The following TAS1R3 variants were observed in gnomAD, a reference collection of about 807,000 sequenced individuals.
TAS1R3 encodes the protein taste receptor type 1 member 3.
A neutral mutation model predicts 46.1 loss-of-function variants in TAS1R3; 58 were observed. The observed-to-expected ratio is 1.26, with a 90% CI of 1.02 to 1.57. TAS1R3 has a LOEUF of 1.57. Ranked by LOEUF, TAS1R3 falls within the 40% of genes most tolerant of loss-of-function variation. The pLI, the probability that TAS1R3 is intolerant of heterozygous loss-of-function variation, is 0.00. For synonymous variants in TAS1R3, 724 were observed against 544.7 expected (o/e 1.33, Z -4.58); for missense variants, 1,422 against 1,185.8 (o/e 1.20, Z -2.93).
rs780663472 is a variant in TAS1R3, at chr1:1,333,246, G to A, written c.1480-13G>A. 2 of 1,598,604 alleles carry A rather than the reference G, an allele frequency of 1.3e-6. No homozygotes were observed. The highest frequency in any genetic ancestry group is 2.2e-5 in the South Asian group (2 of 89,570). Reference sequence around the variant, plus strand: ...CCCAGCCGAGCAGAGCCAGACCCCAGGCCTGTGCGCAGAAGCCCGTGTCCC... The same window carrying A: ...CCCAGCCGAGCAGAGCCAGACCCCAAGCCTGTGCGCAGAAGCCCGTGTCCC... On this transcript the variant is annotated splice_polypyrimidine_tract_variant and intron_variant, in intron 4 of 5. Coordinates refer to ENST00000339381, the MANE Select transcript of TAS1R3 (RefSeq NM_152228.3).
chr1:1,334,159 C>A lies in TAS1R3; in HGVS notation c.2254C>A (p.Arg752=). ...CTGCTTCCTGGGCACTTTCCTGGTGCGGAGCCAGCCGGGCTGCTACAACCG... is the reference window on the plus strand; with the variant it reads ...CTGCTTCCTGGGCACTTTCCTGGTGAGGAGCCAGCCGGGCTGCTACAACCG... ...FLCFLGTFLV[R]SQPGCYNRAR... The change falls in exon 6 of 6, where the codon CGG becomes AGG. Residue 752 remains arginine, a synonymous_variant. Transcript: ENST00000339381. The A allele has an allele frequency of 1.3e-6, 2 of 1,585,066 alleles. No homozygotes were observed.
At position 1,333,494 on chromosome 1, in the gene TAS1R3, CCTCT is replaced by C. The variant is rs750644231; in HGVS notation, c.1601-8_1601-5del. 1.9e-6 allele frequency: 3 copies of C among 1,600,254 alleles called. No homozygotes were observed. The South Asian group carries it at 3.3e-5, about 18-fold the overall frequency. Reference sequence around the variant, plus strand: ...CAAGACGAACACCCAGCGCCCTTCTCCTCTCTCACAGACGACATCGCCTGCACCT... The same window carrying C: ...CAAGACGAACACCCAGCGCCCTTCTCCTCACAGACGACATCGCCTGCACCT... On this transcript the variant is annotated splice_polypyrimidine_tract_variant and splice_region_variant and intron_variant, in intron 5 of 5. Transcript: ENST00000339381.
In TAS1R3 at chr1:1,331,343, GC is replaced by G; in HGVS notation, c.-1del. 1.3e-6 allele frequency: 2 copies of G among 1,567,890 alleles called. No homozygotes were observed. The highest frequency in any genetic ancestry group is 1.7e-6 in the Non-Finnish European group (2 of 1,158,436). On this transcript the variant is annotated 5_prime_UTR_variant, in exon 1 of 6. Coordinates refer to ENST00000339381, the MANE Select transcript of TAS1R3 (RefSeq NM_152228.3). ...GCCGTGCCTGTTGGAAGTTGCCTCT[GC>G]CATGCTGGGCCCTGCTGTCCTGGGC...
chr1:1,334,836 C>A lies in TAS1R3; in HGVS notation c.*372C>A. The A allele has an allele frequency of 4.8e-6, 1 of 206,748 alleles. No individual in the cohort carries two copies. The highest frequency in any genetic ancestry group is 9.8e-6 in the Non-Finnish European group (1 of 102,546). 12.8% of individuals were successfully genotyped at this position (206,748 alleles called of 1,614,324 possible). A position where few individuals can be genotyped will look rare whatever the true frequency, so the allele number is the denominator to read the frequency against. ...GCTGGAAGCCCAAATCAGGCCCTGC[C>A]GACCTGACCATGTCCCACCAGGGCC... On this transcript the variant is annotated 3_prime_UTR_variant, in exon 6 of 6. Transcript: ENST00000339381.
rs1643420308 is a variant in TAS1R3, at chr1:1,331,308, G to A, written c.-38G>A. On this transcript the variant is annotated 5_prime_UTR_variant, in exon 1 of 6. Coordinates refer to ENST00000339381, the MANE Select transcript of TAS1R3 (RefSeq NM_152228.3). ...CACTCCATGTGAGGCCCCAGTCGGG[G>A]CAGCCACCTGCCGTGCCTGTTGGAA... The A allele has an allele frequency of 3.3e-6, 5 of 1,529,314 alleles. No individual in the cohort carries two copies. The highest frequency in any genetic ancestry group is 1.8e-4 in the Middle Eastern group (1 of 5,696). 94.7% of individuals were successfully genotyped at this position (1,529,314 alleles called of 1,614,324 possible). A position where few individuals can be genotyped will look rare whatever the true frequency, so the allele number is the denominator to read the frequency against.
Position 1,334,461 on chromosome 1 carries a change from G to A in TAS1R3, c.2556G>A (p.Glu852=). The change falls in exon 6 of 6, where the codon GAG becomes GAA. Residue 852 remains glutamate (E), a synonymous_variant. Coordinates refer to ENST00000339381, the MANE Select transcript of TAS1R3 (RefSeq NM_152228.3). ...DGNTGNQGKH[E] is the part of the protein sequence containing the mutation. ...ACACAGGAAATCAGGGGAAACATGAGTGACCCAACCCTGTGATCTCAGCCC... is the reference window on the plus strand; with the variant it reads ...ACACAGGAAATCAGGGGAAACATGAATGACCCAACCCTGTGATCTCAGCCC... The A allele has an allele frequency of 1.9e-6, 3 of 1,557,354 alleles. No individual in the cohort carries two copies. Among genetic ancestry groups the A allele is most frequent in the East Asian group, 2.3e-5 (1 of 43,696 alleles).
Position 1,333,327 on chromosome 1 carries a change from C to T in TAS1R3, c.1548C>T (p.Ser516=). 8.1e-6 allele frequency: 13 copies of T among 1,606,630 alleles called. No homozygotes were observed. Among genetic ancestry groups the T allele is most frequent in the Non-Finnish European group, 1.1e-5 (13 of 1,177,294 alleles). The change falls in exon 5 of 6, where the codon TCC becomes TCT. Residue 516 remains serine (S), a synonymous_variant. Transcript: ENST00000339381. ...TGCGCCGGGTCAAGGGGTTCCACTC[C>T]TGCTGCTACGACTGTGTGGACTGCG... ...GQVRRVKGFH[S]CCYDCVDCEA... is the part of the protein sequence containing the mutation.
rs1442761922 is a variant in TAS1R3 at position 1,332,152 on chromosome 1, C to G, written c.621C>G (p.Asn207Lys). The G allele has an allele frequency of 4.4e-6, 7 of 1,598,494 alleles. No homozygotes were observed. The highest frequency in any genetic ancestry group is 5.1e-6 in the Non-Finnish European group (6 of 1,179,326). Residue 207 changes from asparagine to lysine, a missense_variant, in exon 3 of 6, where the codon AAC (asparagine) becomes AAG (lysine). Asn to Lys is a moderately conservative substitution (Grantham distance 94, BLOSUM62 0). Transcript: ENST00000339381. ...AGCTGCTGCAGGAGTTCGGCTGGAA[C>G]TGGGTGGCCGCCCTGGGCAGCGACG... ...AAELLQEFGW[N>K]WVAALGSDDE...
In TAS1R3 at chr1:1,331,667, T is replaced by C. The variant is rs1189183115; in HGVS notation, c.221T>C (p.Leu74Pro). The C allele has an allele frequency of 3.7e-6, 6 of 1,612,510 alleles. No homozygotes were observed. The highest frequency in any genetic ancestry group is 5.1e-6 in the Non-Finnish European group (6 of 1,179,798). The stretch of plus-strand genomic sequence containing the variant: ...TCCTCAAACGGCCTGCTCTGGGCAC[T>C]GGCCATGAAAATGGCCGTGGAGGAG... ...RFSSNGLLWA[L>P]AMKMAVEEIN... The change falls in exon 2 of 6, where the codon CTG (leucine) becomes CCG (proline). Residue 74 changes from leucine (L) to proline (P), a missense_variant. By Grantham distance (98) the Leu-to-Pro change is moderately conservative. Coordinates refer to ENST00000339381, the MANE Select transcript of TAS1R3 (RefSeq NM_152228.3).
Position 1,334,329 on chromosome 1 carries a change from C to T in TAS1R3, c.2424C>T (p.Ala808=). The T allele has an allele frequency of 6.2e-7, 1 of 1,611,910 alleles. No homozygotes were observed. Among genetic ancestry groups the T allele is most frequent in the Non-Finnish European group, 8.5e-7 (1 of 1,179,384 alleles). ...LLLCVLGILA[A]FHLPRCYLLM... is the part of the protein sequence containing the mutation. ...TCTGTGTCCTGGGCATCCTGGCTGCCTTCCACCTGCCCAGGTGTTACCTGC... is the reference window on the plus strand; with the variant it reads ...TCTGTGTCCTGGGCATCCTGGCTGCTTTCCACCTGCCCAGGTGTTACCTGC... The change falls in exon 6 of 6, where the codon GCC becomes GCT. Residue 808 remains alanine, a synonymous_variant. Transcript: ENST00000339381.
At position 1,331,644 on chromosome 1, in the gene TAS1R3, C is replaced by T. The variant is rs967890521; in HGVS notation, c.198C>T (p.Ser66=). 5.6e-6 allele frequency: 9 copies of T among 1,609,676 alleles called. No individual in the cohort carries two copies. The highest frequency in any genetic ancestry group is 2.2e-5 in the East Asian group (1 of 44,792). Residue 66 remains serine, a synonymous_variant, in exon 2 of 6, where the codon TCC becomes TCT. Transcript: ENST00000339381. ...CGGTTCTGTGTGGCCCCAGGTTCTC[C>T]TCAAACGGCCTGCTCTGGGCACTGG... The part of the protein sequence containing the change: ...RPSSPVCTRF[S]SNGLLWALAM...
chr1:1,334,449 G>T lies in TAS1R3; in HGVS notation c.2544G>T (p.Gln848His). Residue 848 changes from glutamine (Q) to histidine (H), a missense_variant, in exon 6 of 6, where the codon CAG (glutamine) becomes CAT (histidine). Physicochemically the swap from Gln to His is conservative, Grantham distance 24 (BLOSUM62 0). Transcript: ENST00000339381. The stretch of plus-strand genomic sequence containing the variant: ...AGAATGACGGGAACACAGGAAATCA[G>T]GGGAAACATGAGTGACCCAACCCTG... ...QGQNDGNTGN[Q>H]GKHE is the part of the protein sequence containing the mutation. 3 of 1,573,088 alleles carry T rather than the reference G, an allele frequency of 1.9e-6. No individual in the cohort carries two copies. Among genetic ancestry groups the T allele is most frequent in the Non-Finnish European group, 2.6e-6 (3 of 1,156,886 alleles).
Position 1,334,395 on chromosome 1 carries a change from G to A in TAS1R3, c.2490G>A (p.Leu830=). 1 of 1,607,204 alleles carries A rather than the reference G, an allele frequency of 6.2e-7. No individual in the cohort carries two copies. The highest frequency in any genetic ancestry group is 8.5e-7 in the Non-Finnish European group (1 of 1,176,998). Residue 830 remains leucine, a synonymous_variant, in exon 6 of 6, where the codon CTG becomes CTA. Transcript: ENST00000339381. The part of the protein sequence containing the change: ...QPGLNTPEFF[L]GGGPGDAQGQ... ...GGCTCAACACCCCCGAGTTCTTCCT[G>A]GGAGGGGGCCCTGGGGATGCCCAAG... is the stretch of plus-strand genomic sequence containing the variant.
chr1:1,334,395 G>C lies in TAS1R3; in HGVS notation c.2490G>C (p.Leu830=). The C allele has an allele frequency of 6.2e-7, 1 of 1,607,204 alleles. No individual in the cohort carries two copies. The highest frequency in any genetic ancestry group is 1.1e-5 in the South Asian group (1 of 90,412). ...GGCTCAACACCCCCGAGTTCTTCCTGGGAGGGGGCCCTGGGGATGCCCAAG... is the reference window on the plus strand; with the variant it reads ...GGCTCAACACCCCCGAGTTCTTCCTCGGAGGGGGCCCTGGGGATGCCCAAG... The part of the protein sequence containing the change: ...QPGLNTPEFF[L]GGGPGDAQGQ... Residue 830 remains leucine (L), a synonymous_variant, in exon 6 of 6, where the codon CTG becomes CTC. Coordinates refer to ENST00000339381, the MANE Select transcript of TAS1R3 (RefSeq NM_152228.3).
chr1:1,333,688 G>A lies in TAS1R3; in HGVS notation c.1783G>A (p.Asp595Asn). Reference sequence around the variant, plus strand: ...TTTGGGGCTGTTCGTTCACCATCGGGACAGCCCACTGGTTCAGGCCTCGGG... The same window carrying A: ...TTTGGGGCTGTTCGTTCACCATCGGAACAGCCCACTGGTTCAGGCCTCGGG... ...AALGLFVHHR[D>N]SPLVQASGGP... The change falls in exon 6 of 6, where the codon GAC becomes AAC. Residue 595 changes from aspartate to asparagine, a missense_variant. Asp to Asn is a conservative substitution (Grantham distance 23, BLOSUM62 1). Transcript: ENST00000339381. The A allele has an allele frequency of 6.2e-7, 1 of 1,611,708 alleles. No individual in the cohort carries two copies. The highest frequency in any genetic ancestry group is 8.5e-7 in the Non-Finnish European group (1 of 1,179,800).
rs370200399 is a variant in TAS1R3 at position 1,332,700 on chromosome 1, C to T, written c.1169C>T (p.Thr390Met). 3.7e-6 allele frequency: 6 copies of T among 1,604,232 alleles called. No homozygotes were observed. Among genetic ancestry groups the T allele is most frequent in the East Asian group, 4.5e-5 (2 of 44,874 alleles). ...NVSAGLNHHQ[T>M]FSVYAAVYSV... Reference sequence around the variant, plus strand: ...AGCGCAGGGCTAAATCACCACCAGACGTTCTCTGTCTACGCAGCTGTGTAT... The same window carrying T: ...AGCGCAGGGCTAAATCACCACCAGATGTTCTCTGTCTACGCAGCTGTGTAT... Residue 390 changes from threonine (T) to methionine (M), a missense_variant, in exon 3 of 6, where the codon ACG becomes ATG. Thr to Met is a moderately conservative substitution (Grantham distance 81). Transcript: ENST00000339381.
Position 1,331,860 on chromosome 1 carries a change from G to A in TAS1R3, c.414G>A (p.Val138=). Reference sequence around the variant, plus strand: ...ACTACACGCAGTACCAGCCCCGTGTGCTGGCTGTCATCGGGCCCCACTCGT... The same window carrying A: ...ACTACACGCAGTACCAGCCCCGTGTACTGGCTGTCATCGGGCCCCACTCGT... ...YCNYTQYQPR[V]LAVIGPHSSE... The change falls in exon 2 of 6, where the codon GTG becomes GTA. Residue 138 remains valine (V), a synonymous_variant. Coordinates refer to ENST00000339381, the MANE Select transcript of TAS1R3 (RefSeq NM_152228.3). The A allele has an allele frequency of 6.2e-7, 1 of 1,612,900 alleles. No homozygotes were observed. Among genetic ancestry groups the A allele is most frequent in the Non-Finnish European group, 8.5e-7 (1 of 1,180,014 alleles).
rs367684701 is a variant in TAS1R3 at position 1,332,090 on chromosome 1, G to T, written c.559G>T (p.Val187Leu). ...RETFPSFFRT[V>L]PSDRVQLTAA... ...GACCTTCCCCTCCTTCTTCCGCACCGTGCCCAGCGACCGTGTGCAGCTGAC... is the reference window on the plus strand; with the variant it reads ...GACCTTCCCCTCCTTCTTCCGCACCTTGCCCAGCGACCGTGTGCAGCTGAC... The change falls in exon 3 of 6, where the codon GTG becomes TTG. Residue 187 changes from valine (V) to leucine (L), a missense_variant. Transcript: ENST00000339381. 1.9e-6 allele frequency: 3 copies of T among 1,601,454 alleles called. No individual in the cohort carries two copies. The highest frequency in any genetic ancestry group is 2.5e-6 in the Non-Finnish European group (3 of 1,179,856).
intron 5 of TAS1R3, 46 bp from the exon 6 acceptor site, chr1:1,333,460 C>T: frequency 6.2e-7 from 1 of 1,603,616 alleles, no homozygotes. Context: ...GACCAGAGCC[C>T]ACAGGGTACA....
Sources: gnomAD v4.1 joint callset for allele counts on GRCh38, gnomAD v4.1.1 for gene constraint, MANE v1.5 for transcripts, NCBI Gene and HGNC (gene_info 2026-07-23, HGNC 2026-07-21) for gene names.